Variants in GAREM1 observed in about 807,000 individuals in gnomAD.
GAREM1 encodes GRB2-associated and regulator of MAPK protein 1.
A neutral mutation model predicts 71.3 loss-of-function variants in GAREM1; 26 were observed. That is an observed-to-expected ratio of 0.36 (90% CI 0.27 to 0.51). The LOEUF (loss-of-function observed/expected upper bound fraction) is 0.51. Ranked by LOEUF, GAREM1 falls within the 20% of genes least tolerant of loss-of-function variation. GAREM1 has a pLI of 0.95. For missense variants in GAREM1, 1,026 were observed against 1,103.1 expected (o/e 0.93, Z 0.99); for synonymous variants, 440 against 433.2 (o/e 1.02, Z -0.20).
At chr18:32,339,663 T>C (rs866859465) in intron 2 of GAREM1, among the ~76,000 whole-genome samples, 1 of 152,240 alleles carries the variant, frequency 6.6e-6, no homozygotes. Flanking sequence ...TCCTCTACGA[T>C]GCCTTGCAGG....
At chr18:32,285,914 G>C (rs980017178) in intron 4 of GAREM1, among the ~76,000 whole-genome samples, 1 of 152,212 alleles carries the variant, frequency 6.6e-6, no homozygotes, top group Non-Finnish European at 1.5e-5. Context: ...TAGGGGCAAA[G>C]AGTGGGCAGG....
intron 4 of GAREM1, among the ~76,000 whole-genome samples, chr18:32,280,337 T>C (rs1388878029): frequency 6.6e-6 from 1 of 152,200 alleles, no homozygotes; most frequent in Non-Finnish European, 1.5e-5. Flanking sequence ...CCTAATTCTG[T>C]AGGCTGGGCA....
chr18:32,349,617 G>T, intron 2 of GAREM1, among the ~76,000 whole-genome samples: 1 of 152,234 alleles, frequency 6.6e-6, no homozygotes, highest in East Asian at 1.9e-4. Context: ...TATAAATATA[G>T]ATATAAAATA....
chr18:32,401,200 T>C (rs970505536), intron 1 of GAREM1, among the ~76,000 whole-genome samples: 1 of 151,872 alleles, frequency 6.6e-6, no homozygotes, highest in African/African-American at 2.4e-5. Flanking sequence ...AGGGGAGGGA[T>C]AGCATTAGGA....
intron 1 of GAREM1, among the ~76,000 whole-genome samples, chr18:32,405,343 C>T (rs1371381418): frequency 6.6e-6 from 1 of 150,596 alleles, no homozygotes; most frequent in Non-Finnish European, 1.5e-5. Context: ...GGATTACAGG[C>T]GTGCACCACC....
chr18:32,389,870 G>A (rs753355487), intron 2 of GAREM1, among the ~76,000 whole-genome samples: 1 of 151,996 alleles, frequency 6.6e-6, no homozygotes, highest in Non-Finnish European at 1.5e-5. Context: ...CATTTTACAC[G>A]GTAATCAAAA....
chr18:32,461,780 T>C (rs1359690031), intron 1 of GAREM1, among the ~76,000 whole-genome samples: 1 of 152,190 alleles, frequency 6.6e-6, no homozygotes, highest in Non-Finnish European at 1.5e-5. Flanking sequence ...AAAAGTTACT[T>C]TTCCCATGGC....
Position 32,470,288 on chromosome 18 carries a change from G to T in GAREM1, c.121+20C>A. ...ACGGCTGTCCTCGCCCGTCTGCCCC[G>T]CGCCCCAGCTGGGACTCACCGTTGT... On this transcript the variant is annotated intron_variant, in intron 1 of 5. Coordinates refer to ENST00000269209, the MANE Select transcript of GAREM1 (RefSeq NM_001242409.2). This position sits in a 1 kb window ranked among gnomAD's most constrained non-coding sequence, Gnocchi z 4.4. 6.7e-7 allele frequency: 1 copy of T among 1,492,936 alleles called. No homozygotes were observed. The highest frequency in any genetic ancestry group is 8.9e-7 in the Non-Finnish European group (1 of 1,118,664). The allele number at this position is 1,492,936 out of a possible 1,614,324, so 92.5% of individuals were successfully genotyped here. A position where few individuals can be genotyped will look rare whatever the true frequency, so the allele number is the denominator to read the frequency against.
At chr18:32,360,955 A>G (rs1777324284) in intron 2 of GAREM1, among the ~76,000 whole-genome samples, 1 of 152,196 alleles carries the variant, frequency 6.6e-6, no homozygotes, top group Non-Finnish European at 1.5e-5. Flanking sequence ...ACTCTTCATG[A>G]TGCAACATTT....
intron 2 of GAREM1, among the ~76,000 whole-genome samples, chr18:32,377,710 C>T (rs1482775930): frequency 4.6e-5 from 7 of 152,120 alleles, no homozygotes; most frequent in Non-Finnish European, 4.4e-5. Context: ...ACTACAGGCG[C>T]ATGCCACCAC....
intron 3 of GAREM1, among the ~76,000 whole-genome samples, chr18:32,294,880 A>G (rs1003883203): frequency 3.3e-5 from 5 of 152,154 alleles, no homozygotes; most frequent in African/African-American, 9.7e-5. Context: ...TCAGATTTTA[A>G]TGAGAATATT....
At chr18:32,435,795 A>C (rs2048670928) in intron 1 of GAREM1, among the ~76,000 whole-genome samples, 1 of 152,202 alleles carries the variant, frequency 6.6e-6, no homozygotes, top group Admixed American at 6.6e-5. Flanking sequence ...GGTGAAAGGC[A>C]GGTGAGAAGT....
At chr18:32,283,353 T>A (rs189632177) in intron 4 of GAREM1, among the ~76,000 whole-genome samples, 1,536 of 152,276 alleles carry the variant, frequency 0.01, 4 homozygotes, top group Non-Finnish European at 0.017. Flanking sequence ...AAGACCAGCC[T>A]GGCCAACATG....
chr18:32,288,030 C>A lies in GAREM1; in HGVS notation c.567G>T (p.Lys189Asn). 6.2e-7 allele frequency: 1 copy of A among 1,614,132 alleles called. No individual in the cohort carries two copies. Residue 189 changes from lysine (K) to asparagine (N), a missense_variant, in exon 4 of 6, where the codon AAG becomes AAT. Around this residue, in one of 3 missense-constraint regions of GAREM1, gnomAD observed 218 missense variants for 296.8 expected, o/e 0.73. Transcript: ENST00000269209. ...KKIGKLNSIS[K>N]LGKGKMPCLI... ...GGCACGGCATTTTGCCTTTTCCCAG[C>A]TTGCTGATGGAATTGAGCTTCCCAA...
In GAREM1 at chr18:32,318,878, T is replaced by A. The variant is rs144827321; in HGVS notation, c.263-8555A>T. ...AAATGTTGCTGAAACCAGCCCAAAATGTTAAAGTAGAAAAGAAAGCAAGAG... is the reference window on the plus strand; with the variant it reads ...AAATGTTGCTGAAACCAGCCCAAAAAGTTAAAGTAGAAAAGAAAGCAAGAG... On this transcript the variant is annotated intron_variant, in intron 2 of 5. Coordinates refer to ENST00000269209, the MANE Select transcript of GAREM1 (RefSeq NM_001242409.2). Among the ~76,000 whole-genome samples the A allele has an allele frequency of 2.1e-3, 321 of 151,982 alleles. 1 individual carries two copies. The highest frequency in any genetic ancestry group is 7.5e-3 in the African/African-American group (313 of 41,460).
At chr18:32,363,995 C>CATACATATATATAT (rs1555638699) in intron 2 of GAREM1, among the ~76,000 whole-genome samples, 2 of 21,338 alleles carry the variant, frequency 9.4e-5, no homozygotes, top group Non-Finnish European at 1.7e-4. Context: ...TACATATATA[C>CATACATATATATAT]ATATATATAT....
At chr18:32,307,859 C>A (rs1204084327) in intron 3 of GAREM1, among the ~76,000 whole-genome samples, 5 of 152,188 alleles carry the variant, frequency 3.3e-5, no homozygotes, top group Non-Finnish European at 7.4e-5. Flanking sequence ...AAGACCATGA[C>A]TTCCAGCCTT....
chr18:32,410,367 T>C (rs1363259469), intron 1 of GAREM1, among the ~76,000 whole-genome samples: 3 of 152,188 alleles, frequency 2.0e-5, no homozygotes. Context: ...TATATATTTT[T>C]AGAGACAGTC....
At chr18:32,457,226 A>AGAGAGAGTGTGTGTGT (rs1555648709) in intron 1 of GAREM1, among the ~76,000 whole-genome samples, 5 of 81,990 alleles carry the variant, frequency 6.1e-5, no homozygotes, top group African/African-American at 2.1e-4. Flanking sequence ...AGAGAGAGAG[A>AGAGAGAGTGTGTGTGT]GTGTGTGTGT....
Sources: allele counts gnomAD v4.1 joint callset (sites outside exome capture counted in the v4.1 genomes callset), GRCh38; gene constraint gnomAD v4.1.1; regional missense constraint gnomAD v4.1.1; non-coding constraint Gnocchi (gnomAD v3.1); transcripts MANE v1.5; gene names NCBI Gene and HGNC (gene_info 2026-07-23, HGNC 2026-07-21).